The following DYNC1I1 variants were observed in gnomAD, a reference collection of about 807,000 sequenced individuals.
DYNC1I1 encodes the protein cytoplasmic dynein 1 intermediate chain 1.
Under a neutral mutation model 86.6 loss-of-function variants are expected in DYNC1I1, and 43 were observed. The ratio of observed to expected loss-of-function variants is 0.50; its 90% confidence interval spans 0.39 to 0.64. DYNC1I1 has a LOEUF of 0.64. Ranked by LOEUF, DYNC1I1 falls within the 30% of genes least tolerant of loss-of-function variation. The pLI, the probability that DYNC1I1 is intolerant of heterozygous loss-of-function variation, is 0.00. For missense variants in DYNC1I1, 604 were observed against 788.8 expected (o/e 0.77, Z 2.81); for synonymous variants, 262 against 283.7 (o/e 0.92, Z 0.77).
intron 6 of DYNC1I1, among the ~76,000 whole-genome samples, chr7:95,874,049 C>G (rs1901446): frequency 0.49 from 74,132 of 152,086 alleles, 20,597 homozygotes; most frequent in Non-Finnish European, 0.64. Flanking sequence ...CTATTTCTTA[C>G]AGCTGTCCAG....
intron 6 of DYNC1I1, among the ~76,000 whole-genome samples, chr7:95,964,940 C>G (rs1290461282): frequency 6.6e-6 from 1 of 152,112 alleles, no homozygotes; most frequent in African/African-American, 2.4e-5. Context: ...CAATAAATGT[C>G]CAAGAAGTTA....
intron 5 of DYNC1I1, among the ~76,000 whole-genome samples, chr7:95,846,167 A>T (rs1584273092): frequency 1.3e-5 from 2 of 152,134 alleles, no homozygotes; most frequent in Admixed American, 1.3e-4. Flanking sequence ...ATTGTCATTT[A>T]TATATATTAT....
At chr7:95,981,492 T>C (rs939603995) in intron 7 of DYNC1I1, among the ~76,000 whole-genome samples, 1 of 152,148 alleles carries the variant, frequency 6.6e-6, no homozygotes, top group African/African-American at 2.4e-5. Flanking sequence ...CTGAATTTCA[T>C]GTATTCTGTA....
intron 6 of DYNC1I1, among the ~76,000 whole-genome samples, chr7:95,893,615 A>C (rs4727329): frequency 6.6e-6 from 1 of 152,140 alleles, no homozygotes; most frequent in East Asian, 1.9e-4. Context: ...TACAAGGTCC[A>C]TCATCTTGCT....
chr7:95,829,759 G>A (rs1165124816), intron 5 of DYNC1I1, among the ~76,000 whole-genome samples: 1 of 151,960 alleles, frequency 6.6e-6, no homozygotes, highest in Non-Finnish European at 1.5e-5. Context: ...CTTACCTGCT[G>A]CATTATACTT....
At chr7:96,075,014 C>G (rs1790288692) in intron 14 of DYNC1I1, among the ~76,000 whole-genome samples, 1 of 152,148 alleles carries the variant, frequency 6.6e-6, no homozygotes, top group South Asian at 2.1e-4. Flanking sequence ...TCTTTTATCT[C>G]TAGGGCTTTC....
At chr7:95,913,966 G>C (rs1791404095) in intron 6 of DYNC1I1, among the ~76,000 whole-genome samples, 1 of 152,166 alleles carries the variant, frequency 6.6e-6, no homozygotes, top group Non-Finnish European at 1.5e-5. Flanking sequence ...TGGCACACCA[G>C]GTGAGAAGCT....
chr7:95,891,455 C>T (rs187098897), intron 6 of DYNC1I1, among the ~76,000 whole-genome samples: 146 of 152,274 alleles, frequency 9.6e-4, no homozygotes, highest in Non-Finnish European at 1.5e-3. Context: ...GCTTCATGTC[C>T]ACTTTTGCCT....
intron 10 of DYNC1I1, among the ~76,000 whole-genome samples, chr7:96,020,478 A>G (rs1223964716): frequency 6.6e-6 from 1 of 152,136 alleles, no homozygotes; most frequent in East Asian, 1.9e-4. Context: ...CATGGGAAAG[A>G]CCTGCCCCCA....
chr7:96,069,678 C>T (rs1790104396), intron 14 of DYNC1I1, among the ~76,000 whole-genome samples: 1 of 152,126 alleles, frequency 6.6e-6, no homozygotes, highest in Non-Finnish European at 1.5e-5. Flanking sequence ...TTTTCCATGG[C>T]TTTAAACACT....
Position 96,077,714 on chromosome 7 carries a change from T to C in DYNC1I1, c.1650+1517T>C, listed in dbSNP as rs553991897. Among the ~76,000 whole-genome samples, 17 of 152,312 alleles carry C rather than the reference T, an allele frequency of 1.1e-4. No homozygotes were observed. In the South Asian group the frequency reaches 3.5e-3, roughly 32 times the overall value. On this transcript the variant is annotated intron_variant, in intron 15 of 16. Transcript: ENST00000447467. ...TAGTAGAAATCCAGCTTAGTTGAGA[T>C]GTTTAAGTGATACCCAACTACAATG...
At chr7:96,104,194 T>C (rs1029805598) in intron 16 of DYNC1I1, among the ~76,000 whole-genome samples, 1 of 152,120 alleles carries the variant, frequency 6.6e-6, no homozygotes, top group African/African-American at 2.4e-5. Flanking sequence ...AAAAATTTAA[T>C]TTAGAAGAGT....
In DYNC1I1 at chr7:96,033,034, T is replaced by C. The variant is rs1794849153; in HGVS notation, c.1230+254T>C. On this transcript the variant is annotated intron_variant, in intron 12 of 16. Coordinates refer to ENST00000447467, the MANE Select transcript of DYNC1I1 (RefSeq NM_001135556.2). ...CAAGTGAAAATGAAATAATCCATTC[T>C]AAATCATAGTAATTATGGAAGTTGC... Among the ~76,000 whole-genome samples, 3 of 152,232 alleles carry C rather than the reference T, an allele frequency of 2.0e-5. No individual in the cohort carries two copies. The South Asian group carries it at 6.2e-4, about 31-fold the overall frequency.
At chr7:95,867,833 T>G (rs1790054068) in intron 5 of DYNC1I1, among the ~76,000 whole-genome samples, 1 of 152,228 alleles carries the variant, frequency 6.6e-6, no homozygotes, top group African/African-American at 2.4e-5. Flanking sequence ...AGAAAGACAC[T>G]GGGCTACTAA....
In DYNC1I1 at chr7:96,028,169, T is replaced by C. The variant is rs753557317; in HGVS notation, c.970-6T>C. ...ATCTCTCTCTCTCTCTCCTTTTCCC[T>C]GACAGTCCTCTGTGATGTCGGTCTG... On this transcript the variant is annotated splice_polypyrimidine_tract_variant and splice_region_variant and intron_variant, in intron 10 of 16. Coordinates refer to ENST00000447467, the MANE Select transcript of DYNC1I1 (RefSeq NM_001135556.2). 33 of 1,613,606 alleles carry C rather than the reference T, an allele frequency of 2.0e-5. No homozygotes were observed. Among genetic ancestry groups the C allele is most frequent in the Middle Eastern group, 3.3e-4 (2 of 6,054 alleles).
At chr7:95,817,353 C>T (rs1427461696) in intron 4 of DYNC1I1, among the ~76,000 whole-genome samples, 2 of 152,064 alleles carry the variant, frequency 1.3e-5, no homozygotes, top group African/African-American at 2.4e-5. Context: ...TAGGTTTTTA[C>T]CTAGGCAGGT....
chr7:95,883,521 G>A (rs1790510670), intron 6 of DYNC1I1, among the ~76,000 whole-genome samples: 1 of 152,032 alleles, frequency 6.6e-6, no homozygotes, highest in South Asian at 2.1e-4. Context: ...TAGTTTCCGT[G>A]GAATGACATG....
chr7:95,817,207 C>G (rs1478990), intron 4 of DYNC1I1, among the ~76,000 whole-genome samples: 14,038 of 148,818 alleles, frequency 0.094, 693 homozygotes, highest in South Asian at 0.14. Flanking sequence ...AACATAACAT[C>G]CAAGATTAAA....
intron 5 of DYNC1I1, among the ~76,000 whole-genome samples, chr7:95,832,246 A>G (rs1485160712): frequency 7.4e-6 from 1 of 135,214 alleles, no homozygotes; most frequent in African/African-American, 3.0e-5. Flanking sequence ...GTGATAGTTT[A>G]CTGAGAATGA....
Sources: allele counts gnomAD v4.1 joint callset (sites outside exome capture counted in the v4.1 genomes callset), GRCh38; gene constraint gnomAD v4.1.1; transcripts MANE v1.5; gene names NCBI Gene and HGNC (gene_info 2026-07-23, HGNC 2026-07-21).